AGK: variants seen among roughly 807,000 people sequenced by gnomAD.
AGK encodes the protein acylglycerol kinase.
AGK carries 52 observed loss-of-function variants against 66.4 expected under a neutral mutation model. The observed-to-expected ratio is 0.78, with a 90% CI of 0.63 to 0.99. The LOEUF is 0.99. Ranked by LOEUF, AGK falls within the 50% of genes least tolerant of loss-of-function variation. The pLI, the probability that AGK is intolerant of heterozygous loss-of-function variation, is 0.00. For synonymous variants in AGK, 182 were observed against 181.1 expected (o/e 1.00, Z -0.04); for missense variants, 451 against 506.6 (o/e 0.89, Z 1.05).
Position 141,601,221 on chromosome 7 carries a change from T to C in AGK, c.238T>C (p.Phe80Leu), listed in dbSNP as rs1796333715. Residue 80 changes from phenylalanine to leucine, a missense_variant, in exon 5 of 16, where the codon TTT (phenylalanine) becomes CTT (leucine). Physicochemically the swap from Phe to Leu is conservative, Grantham distance 22. Transcript: ENST00000649286. Reference protein sequence around the residue: ...AACKGKARTLFEKNAAPILHL... With the variant: ...AACKGKARTLLEKNAAPILHL... The stretch of plus-strand genomic sequence containing the variant: ...TGTTAACAGAAAAGCCAGGACTCTA[T>C]TTGAAAAAAATGCTGCCCCGATTTT... 6.2e-7 allele frequency: 1 copy of C among 1,612,664 alleles called. No homozygotes were observed. Among genetic ancestry groups the C allele is most frequent in the Non-Finnish European group, 8.5e-7 (1 of 1,179,136 alleles).
At chr7:141,620,838 T>A (rs1359899510) in intron 8 of AGK, among the ~76,000 whole-genome samples, 1 of 152,192 alleles carries the variant, frequency 6.6e-6, no homozygotes, top group Non-Finnish European at 1.5e-5. Context: ...AGTATTCTGT[T>A]CTTCTTAACA....
intron 9 of AGK, among the ~76,000 whole-genome samples, chr7:141,633,664 T>C (rs1797107899): frequency 6.6e-6 from 1 of 152,208 alleles, no homozygotes; most frequent in African/African-American, 2.4e-5. Context: ...GACAGTATGT[T>C]CCCCTGCCAG....
chr7:141,593,101 A>G, intron 2 of AGK, 45 bp from the exon 3 acceptor site: 8 of 1,545,754 alleles, frequency 5.2e-6, no homozygotes, highest in Non-Finnish European at 5.3e-6. Flanking sequence ...TTTGGATCAT[A>G]ATCTATTAAA....
In AGK at chr7:141,654,259, A is replaced by G. The variant is rs1158405108; in HGVS notation, c.*1335A>G. The G allele has an allele frequency of 2.0e-5, 3 of 152,168 alleles. No individual in the cohort carries two copies. The highest frequency in any genetic ancestry group is 4.4e-5 in the Non-Finnish European group (3 of 68,008). The allele number at this position is 152,168 out of a possible 1,614,324, so 9.4% of individuals were successfully genotyped here. A position where few individuals can be genotyped will look rare whatever the true frequency, so the allele number is the denominator to read the frequency against. On this transcript the variant is annotated 3_prime_UTR_variant, in exon 16 of 16. Coordinates refer to ENST00000649286, the MANE Select transcript of AGK (RefSeq NM_018238.4). The stretch of plus-strand genomic sequence containing the variant: ...TTCTTGGATGATTAAAAGTTTTTTT[A>G]TTAGAATGTTCTTTATCCTAATTAG...
chr7:141,650,448 GCCAGTGT>G, intron 14 of AGK: 1 of 946,474 alleles, frequency 1.1e-6, no homozygotes, highest in Non-Finnish European at 1.3e-6. Context: ...ACCAGTGGCA[GCCAGTGT>G]CCTTCTGTTC....
rs139035566 is a variant in AGK at position 141,618,988 on chromosome 7, C to A, written c.519-2744C>A. On this transcript the variant is annotated intron_variant, in intron 8 of 15. Transcript: ENST00000649286. ...AAACATGAAATACATATGGATAAAT[C>A]TAACAAAATATGTGTAAGATTTATA... is the stretch of plus-strand genomic sequence containing the variant. Among the ~76,000 whole-genome samples the A allele has an allele frequency of 1.6e-3, 236 of 152,118 alleles. 1 individual carries two copies. Among genetic ancestry groups the A allele is most frequent in the Admixed American group, 3.0e-3 (46 of 15,290 alleles).
Position 141,615,536 on chromosome 7 carries a change from C to T in AGK, c.489C>T (p.Thr163=). 1 of 1,613,786 alleles carries T rather than the reference C, an allele frequency of 6.2e-7. No individual in the cohort carries two copies. The highest frequency in any genetic ancestry group is 8.5e-7 in the Non-Finnish European group (1 of 1,179,792). ...PLGETSSLSH[T]LFAESGNKVQ... ...GAGAGACCAGTAGTTTGAGTCATAC[C>T]CTCTTTGCCGAAAGTGGAAACAAAG... is the stretch of plus-strand genomic sequence containing the variant. Residue 163 remains threonine (T), a synonymous_variant, in exon 8 of 16, where the codon ACC becomes ACT. Coordinates refer to ENST00000649286, the MANE Select transcript of AGK (RefSeq NM_018238.4).
intron 14 of AGK, chr7:141,650,542 ACT>A (rs1797530859): frequency 9.1e-6 from 9 of 985,078 alleles, no homozygotes; most frequent in South Asian, 4.7e-5. Flanking sequence ...GCGTTAGAAA[ACT>A]CTGATACCGT....
At chr7:141,595,745 AG>A (rs879599186) in intron 3 of AGK, among the ~76,000 whole-genome samples, 1 of 152,154 alleles carries the variant, frequency 6.6e-6, no homozygotes, top group Non-Finnish European at 1.5e-5. Context: ...TAATAGCAAG[AG>A]TTCCCATTCA....
intron 2 of AGK, among the ~76,000 whole-genome samples, chr7:141,563,402 A>G (rs1036187490): frequency 3.3e-5 from 5 of 152,180 alleles, no homozygotes; most frequent in African/African-American, 9.7e-5. Context: ...TTATCTGGCT[A>G]TCCAATAAAA....
chr7:141,623,389 AAAAGAAAAAAAAAAG>A (rs1233646426), intron 9 of AGK, among the ~76,000 whole-genome samples: 2 of 150,618 alleles, frequency 1.3e-5, no homozygotes, highest in South Asian at 2.1e-4. Context: ...CAAAAAAAAA[AAAAGAAAAAAAAAAG>A]AAAGAAAAAA....
intron 2 of AGK, among the ~76,000 whole-genome samples, chr7:141,578,331 A>G (rs1331280152): frequency 6.6e-6 from 1 of 151,710 alleles, no homozygotes; most frequent in Non-Finnish European, 1.5e-5. Flanking sequence ...AGGAGAAGGA[A>G]TTTCACAAGG....
chr7:141,620,715 T>C (rs2116973433), intron 8 of AGK, among the ~76,000 whole-genome samples: 1 of 152,254 alleles, frequency 6.6e-6, no homozygotes, highest in Non-Finnish European at 1.5e-5. Flanking sequence ...CCCCACAATA[T>C]TGTAAGATAT....
chr7:141,627,606 T>G (rs539787897), intron 9 of AGK, among the ~76,000 whole-genome samples: 13 of 152,344 alleles, frequency 8.5e-5, no homozygotes, highest in African/African-American at 3.1e-4. Flanking sequence ...CACCATGACC[T>G]CACTGATCAT....
rs147421613 is a variant in AGK at position 141,578,396 on chromosome 7, C to G, written c.102-14750C>G. On this transcript the variant is annotated intron_variant, in intron 2 of 15. Coordinates refer to ENST00000649286, the MANE Select transcript of AGK (RefSeq NM_018238.4). ...CATTTTCACTTCTTTTGTGATTCTT[C>G]ACTTGCTTCGGGCCATCTGGACATA... is the stretch of plus-strand genomic sequence containing the variant. Among the ~76,000 whole-genome samples the G allele has an allele frequency of 1.2e-4, 18 of 152,052 alleles. No individual in the cohort carries two copies. The East Asian group carries it at 2.7e-3, about 23-fold the overall frequency.
chr7:141,634,427 C>A (rs1376749499), intron 10 of AGK, among the ~76,000 whole-genome samples: 1 of 152,108 alleles, frequency 6.6e-6, no homozygotes, highest in Non-Finnish European at 1.5e-5. Flanking sequence ...ATTGGGAGAC[C>A]ACAGGCCGCT....
chr7:141,649,916 TTTCCAATACAGAATACCC>T (rs1221767371), intron 14 of AGK, among the ~76,000 whole-genome samples: 4 of 152,258 alleles, frequency 2.6e-5, no homozygotes, highest in Non-Finnish European at 4.4e-5. Flanking sequence ...CTTTTTCCCT[TTTCCAATACAGAATACCC>T]TTCCAAGTTC....
At chr7:141,621,606 GA>G in intron 8 of AGK, 125 bp from the exon 9 acceptor site, 1 of 683,770 alleles carries the variant, frequency 1.5e-6, no homozygotes. Flanking sequence ...GAGAGAGAGA[GA>G]GGGAGAGAGA....
At chr7:141,604,254 A>G (rs1316066313) in intron 5 of AGK, among the ~76,000 whole-genome samples, 1 of 151,470 alleles carries the variant, frequency 6.6e-6, no homozygotes, top group African/African-American at 2.4e-5. Flanking sequence ...GTACAGGAAT[A>G]TACAAATTCC....
Sources: gnomAD v4.1 joint callset for allele counts (sites outside exome capture counted in the v4.1 genomes callset) on GRCh38, gnomAD v4.1.1 for gene constraint, MANE v1.5 for transcripts, NCBI Gene and HGNC (gene_info 2026-07-23, HGNC 2026-07-21) for gene names.